Variants in ELAVL2 observed in about 807,000 individuals in gnomAD.
The protein encoded by ELAVL2 is ELAV like RNA binding protein 2.
ELAVL2 carries 4 observed loss-of-function variants against 34.6 expected under a neutral mutation model. That is an observed-to-expected ratio of 0.12 (90% CI 0.06 to 0.26). The LOEUF is 0.26. Among genes scored for constraint, ELAVL2 ranks in the 10% least tolerant of loss-of-function variants. The probability of loss-of-function intolerance (pLI) is 1.00; values close to 1 mark genes in which losing one functional copy is unlikely to be tolerated. For missense variants in ELAVL2, 432 were observed against 442.8 expected (o/e 0.98, Z 0.22); for synonymous variants, 193 against 154.8 (o/e 1.25, Z -1.83).
In ELAVL2 at chr9:23,692,313, G is replaced by A; in HGVS notation, c.*244C>T. The A allele has an allele frequency of 2.3e-6, 1 of 436,798 alleles. No homozygotes were observed. Among genetic ancestry groups the A allele is most frequent in the Non-Finnish European group, 4.0e-6 (1 of 247,182 alleles). The allele number at this position is 436,798 out of a possible 1,614,324, so 27.1% of individuals were successfully genotyped here. A position where few individuals can be genotyped will look rare whatever the true frequency, so the allele number is the denominator to read the frequency against. On this transcript the variant is annotated 3_prime_UTR_variant, in exon 7 of 7. Transcript: ENST00000397312. ...TCCACCTTCTTCAAAGAAGGCAATAGAATGCAATGTGACAGGTAAAAACCC... is the reference window on the plus strand; with the variant it reads ...TCCACCTTCTTCAAAGAAGGCAATAAAATGCAATGTGACAGGTAAAAACCC...
intron 1 of ELAVL2, among the ~76,000 whole-genome samples, chr9:23,774,503 AT>A (rs1445926238): frequency 6.6e-6 from 1 of 152,164 alleles, no homozygotes; most frequent in Non-Finnish European, 1.5e-5. Flanking sequence ...GAAGTTAAAA[AT>A]TTTTACTTGC....
At chr9:23,773,071 G>A (rs1182726158) in intron 1 of ELAVL2, among the ~76,000 whole-genome samples, 1 of 152,110 alleles carries the variant, frequency 6.6e-6, no homozygotes, top group Non-Finnish European at 1.5e-5. Flanking sequence ...AGAAAAAAAA[G>A]TGGGGGAGGG....
intron 2 of ELAVL2, among the ~76,000 whole-genome samples, chr9:23,737,544 A>G (rs1015265031): frequency 4.6e-5 from 7 of 152,234 alleles, no homozygotes; most frequent in Non-Finnish European, 1.0e-4. Flanking sequence ...ATGGGATGTC[A>G]GCATATAATT....
intron 2 of ELAVL2, among the ~76,000 whole-genome samples, chr9:23,742,144 A>G (rs1482132189): frequency 6.6e-6 from 1 of 152,196 alleles, no homozygotes; most frequent in East Asian, 1.9e-4. Context: ...TTCTTGCACT[A>G]TAAAACTAAC....
chr9:23,728,143 T>C (rs1257139243), intron 3 of ELAVL2, among the ~76,000 whole-genome samples: 1 of 151,956 alleles, frequency 6.6e-6, no homozygotes, highest in Non-Finnish European at 1.5e-5. Context: ...CCACTCTGAC[T>C]GTGGACAGAG....
intron 1 of ELAVL2, among the ~76,000 whole-genome samples, chr9:23,773,173 T>A (rs1188080752): frequency 6.6e-6 from 1 of 152,190 alleles, no homozygotes; most frequent in Non-Finnish European, 1.5e-5. Flanking sequence ...CTCAAGGAAA[T>A]GTCTTGTTAA....
At chr9:23,745,337 T>C (rs2050231183) in intron 2 of ELAVL2, among the ~76,000 whole-genome samples, 1 of 152,210 alleles carries the variant, frequency 6.6e-6, no homozygotes, top group South Asian at 2.1e-4. Context: ...TTCTGTGTAA[T>C]CCTCTATAAC....
chr9:23,748,437 T>A (rs984865845), intron 2 of ELAVL2, among the ~76,000 whole-genome samples: 2 of 152,100 alleles, frequency 1.3e-5, no homozygotes, highest in Non-Finnish European at 2.9e-5. Flanking sequence ...TAGAAAAGTA[T>A]GAAGGCAGAG....
upstream of ELAVL2, among the ~76,000 whole-genome samples, chr9:23,828,799 G>T (rs2138730208): frequency 6.6e-6 from 1 of 152,074 alleles, no homozygotes; most frequent in South Asian, 2.1e-4. Context: ...ACTTTTAAAT[G>T]GATAGATGTA....
chr9:23,716,386 T>C (rs1021594336), intron 3 of ELAVL2, among the ~76,000 whole-genome samples: 4 of 152,186 alleles, frequency 2.6e-5, no homozygotes, highest in African/African-American at 9.7e-5. Flanking sequence ...CCTTTACATA[T>C]CCTTCATCCG....
At chr9:23,701,152 C>T (rs1163032527) in intron 5 of ELAVL2, among the ~76,000 whole-genome samples, 1 of 152,190 alleles carries the variant, frequency 6.6e-6, no homozygotes, top group Non-Finnish European at 1.5e-5. Context: ...GGTTAAGAAT[C>T]ACTGCTGTAG....
At chr9:23,816,316 GTA>G (rs2063699756) in intron 1 of ELAVL2, among the ~76,000 whole-genome samples, 1 of 10,876 alleles carries the variant, frequency 9.2e-5, no homozygotes, top group Non-Finnish European at 1.5e-4. Flanking sequence ...AAAGCTTTCA[GTA>G]AAAAAAAAAA....
intron 1 of ELAVL2, among the ~76,000 whole-genome samples, chr9:23,812,684 T>C (rs1255787302): frequency 6.6e-6 from 1 of 150,900 alleles, no homozygotes; most frequent in Non-Finnish European, 1.5e-5. Context: ...TTTTTTAAAA[T>C]CATACACAGT....
intron 1 of ELAVL2, among the ~76,000 whole-genome samples, chr9:23,780,274 G>T (rs1216340172): frequency 6.6e-6 from 1 of 152,008 alleles, no homozygotes; most frequent in African/African-American, 2.4e-5. Flanking sequence ...AAATAAGAAA[G>T]CAGTCTAACA....
At position 23,807,567 on chromosome 9, in the gene ELAVL2, T is replaced by C. The variant is rs543106478; in HGVS notation, c.-16+18239A>G. Among the ~76,000 whole-genome samples, 8 of 152,138 alleles carry C rather than the reference T, an allele frequency of 5.3e-5. No homozygotes were observed. The South Asian group carries it at 1.7e-3, about 32-fold the overall frequency. ...ACAAATATTTTAAAAACAATTCCAA[T>C]TAATATGGTATTTCCTTTTAGTTAT... On this transcript the variant is annotated intron_variant, in intron 1 of 6. Transcript: ENST00000397312.
intron 2 of ELAVL2, among the ~76,000 whole-genome samples, chr9:23,743,498 T>C (rs1420397425): frequency 1.3e-5 from 2 of 152,132 alleles, no homozygotes; most frequent in Non-Finnish European, 2.9e-5. Context: ...CATGGTATAG[T>C]AAACGCATTA....
At chr9:23,813,842 C>A (rs702223) in intron 1 of ELAVL2, among the ~76,000 whole-genome samples, 59,370 of 151,908 alleles carry the variant, frequency 0.39, 11,816 homozygotes, top group East Asian at 0.53. Context: ...AGAGATCAAA[C>A]GAATATAAAA....
chr9:23,821,120 A>C (rs1419232711), intron 1 of ELAVL2: 1 of 152,452 alleles, frequency 6.6e-6, no homozygotes, highest in Non-Finnish European at 1.5e-5. Flanking sequence ...CCGCGGGAGA[A>C]GCCAGTGCAC....
At chr9:23,796,028 A>G (rs999164581) in intron 1 of ELAVL2, among the ~76,000 whole-genome samples, 14 of 152,212 alleles carry the variant, frequency 9.2e-5, no homozygotes, top group African/African-American at 2.9e-4. Flanking sequence ...AAGTGTACCC[A>G]TTTTGGTCCT....
Sources: allele counts gnomAD v4.1 joint callset (sites outside exome capture counted in the v4.1 genomes callset), GRCh38; gene constraint gnomAD v4.1.1; transcripts MANE v1.5; gene names NCBI Gene and HGNC (gene_info 2026-07-23, HGNC 2026-07-21).